The following REDIC1 variants were observed in gnomAD, a reference collection of about 807,000 sequenced individuals.
REDIC1 encodes regulator of DNA class I crossover intermediates 1, also known as HEI10 Interacting Protein 1.
the REDIC1 span, among the ~76,000 whole-genome samples, chr12:39,803,876 T>G: frequency 6.6e-6 from 1 of 152,130 alleles, no homozygotes; most frequent in African/African-American, 2.4e-5. Context: ...TCTTCATATT[T>G]AGGAAGGACA....
chr12:39,740,940 A>G, the REDIC1 span, among the ~76,000 whole-genome samples: 1 of 151,532 alleles, frequency 6.6e-6, no homozygotes, highest in Admixed American at 6.6e-5. Context: ...TGTAATATGC[A>G]TAATTATTTC....
At chr12:39,637,401 C>A in the REDIC1 span, among the ~76,000 whole-genome samples, 3 of 151,922 alleles carry the variant, frequency 2.0e-5, no homozygotes, top group African/African-American at 7.3e-5. Flanking sequence ...AAAAGATGAA[C>A]CTCATTCCCA....
chr12:39,737,950 C>G, the REDIC1 span, among the ~76,000 whole-genome samples: 1 of 152,122 alleles, frequency 6.6e-6, no homozygotes, highest in Non-Finnish European at 1.5e-5. Flanking sequence ...ATTAACTATG[C>G]ACATAAAATT....
the REDIC1 span, among the ~76,000 whole-genome samples, chr12:39,775,380 G>A: frequency 1.3e-5 from 2 of 152,192 alleles, no homozygotes; most frequent in African/African-American, 4.8e-5. Context: ...CAGGACATGA[G>A]GATGTGGATG....
the REDIC1 span, among the ~76,000 whole-genome samples, chr12:39,681,130 G>A: frequency 6.6e-6 from 1 of 152,096 alleles, no homozygotes; most frequent in Non-Finnish European, 1.5e-5. Context: ...AAGTCAGCCG[G>A]GTGTGGTGGC....
At chr12:39,737,766 C>T in the REDIC1 span, among the ~76,000 whole-genome samples, 1 of 152,186 alleles carries the variant, frequency 6.6e-6, no homozygotes, top group Non-Finnish European at 1.5e-5. Flanking sequence ...CCATAAATTT[C>T]TAGTGGTTGA....
At chr12:39,646,394 A>G in the REDIC1 span, 1 of 1,466,062 alleles carries the variant, frequency 6.8e-7, no homozygotes, top group Non-Finnish European at 9.0e-7. Context: ...AAGAAAGCAT[A>G]ATTTAGAACT....
chr12:39,788,654 C>T, the REDIC1 span: 1 of 152,162 alleles, frequency 6.6e-6, no homozygotes, highest in African/African-American at 2.4e-5. Flanking sequence ...ATGGACCAAT[C>T]ATGGCTTTCT....
chr12:39,894,702 T>G, the REDIC1 span, among the ~76,000 whole-genome samples: 1 of 152,216 alleles, frequency 6.6e-6, no homozygotes, highest in Non-Finnish European at 1.5e-5. Context: ...TGATCAATCA[T>G]TAAGTTCAAA....
chr12:39,773,628 G>A, the REDIC1 span, among the ~76,000 whole-genome samples: 1 of 152,216 alleles, frequency 6.6e-6, no homozygotes, highest in Non-Finnish European at 1.5e-5. Flanking sequence ...TTAGCCATAA[G>A]TAGTATATTC....
chr12:39,777,871 C>T, the REDIC1 span, among the ~76,000 whole-genome samples: 3 of 152,200 alleles, frequency 2.0e-5, no homozygotes, highest in African/African-American at 7.2e-5. Flanking sequence ...TGATCTGATT[C>T]TTCTGGTACA....
chr12:39,701,685 G>C, the REDIC1 span, among the ~76,000 whole-genome samples: 2 of 152,186 alleles, frequency 1.3e-5, no homozygotes, highest in East Asian at 3.9e-4. Context: ...CCACATACTT[G>C]GAAGTAAAGC....
the REDIC1 span, among the ~76,000 whole-genome samples, chr12:39,732,469 T>C: frequency 6.6e-6 from 1 of 152,212 alleles, no homozygotes; most frequent in Admixed American, 6.5e-5. Context: ...CAGCCATTGG[T>C]GTTCAATGTC....
At chr12:39,726,921 T>C in the REDIC1 span, among the ~76,000 whole-genome samples, 1 of 152,248 alleles carries the variant, frequency 6.6e-6, no homozygotes, top group African/African-American at 2.4e-5. Context: ...CCAGCGATGA[T>C]GAGCTTTTTT....
chr12:39,648,223 C>T, the REDIC1 span, among the ~76,000 whole-genome samples: 2 of 151,888 alleles, frequency 1.3e-5, no homozygotes, highest in African/African-American at 4.8e-5. Flanking sequence ...TCTTAGAAAA[C>T]CATTGATAGT....
the REDIC1 span, among the ~76,000 whole-genome samples, chr12:39,907,469 C>G: frequency 6.6e-6 from 1 of 152,042 alleles, no homozygotes; most frequent in Non-Finnish European, 1.5e-5. Context: ...AAAAATGGAC[C>G]TCAGTGCCCT....
the REDIC1 span, among the ~76,000 whole-genome samples, chr12:39,635,186 C>A: frequency 6.6e-6 from 1 of 152,162 alleles, no homozygotes; most frequent in Non-Finnish European, 1.5e-5. Context: ...CACTTTTACA[C>A]TGTTGGTGGG....
the REDIC1 span, among the ~76,000 whole-genome samples, chr12:39,906,738 G>A: frequency 1.1e-4 from 16 of 152,188 alleles, no homozygotes; most frequent in African/African-American, 3.9e-4. Context: ...TTATTAAAGT[G>A]AGAGCTACTT....
the REDIC1 span, among the ~76,000 whole-genome samples, chr12:39,745,075 G>T: frequency 6.6e-6 from 1 of 152,188 alleles, no homozygotes; most frequent in Non-Finnish European, 1.5e-5. Flanking sequence ...GAGCAAGGAA[G>T]TTTATTAGGA....
Sources: allele counts gnomAD v4.1 joint callset (sites outside exome capture counted in the v4.1 genomes callset), GRCh38; gene constraint gnomAD v4.1.1; transcripts MANE v1.5; gene names NCBI Gene and HGNC (gene_info 2026-07-23, HGNC 2026-07-21).